Variants in RXRG observed in about 807,000 individuals in gnomAD.
RXRG encodes the protein retinoic acid receptor RXR-gamma.
RXRG carries 19 observed loss-of-function variants against 49.2 expected under a neutral mutation model. That is an observed-to-expected ratio of 0.39 (90% CI 0.27 to 0.57). The LOEUF is 0.57. Ranked by LOEUF, RXRG falls within the 20% of genes least tolerant of loss-of-function variation. RXRG has a pLI of 0.64. For synonymous variants in RXRG, 224 were observed against 216.6 expected (o/e 1.03, Z -0.30); for missense variants, 452 against 592.5 (o/e 0.76, Z 2.46).
At chr1:165,412,982 C>T (rs1658002989) in intron 4 of RXRG, among the ~76,000 whole-genome samples, 2 of 152,172 alleles carry the variant, frequency 1.3e-5, no homozygotes, top group Non-Finnish European at 2.9e-5. Flanking sequence ...AAGTTTCATT[C>T]GTGGTCCTCA....
intron 2 of RXRG, among the ~76,000 whole-genome samples, chr1:165,427,402 ATGTTT>A (rs67818708): frequency 0.42 from 62,599 of 149,228 alleles, 13,975 homozygotes; most frequent in East Asian, 0.66. Flanking sequence ...AATCTGTCAT[ATGTTT>A]TGTTTTGTTT....
Position 165,445,123 on chromosome 1 carries a change from T to C in RXRG, c.-230A>G. ...TTGAGACGGCTGTGGCGGCAGCAGC[T>C]GGTGCCTGTCAGTAATCACGCATAA... On this transcript the variant is annotated 5_prime_UTR_variant, in exon 1 of 10. Transcript: ENST00000359842. The C allele has an allele frequency of 1.8e-6, 1 of 571,334 alleles. No individual in the cohort carries two copies. Among genetic ancestry groups the C allele is most frequent in the Non-Finnish European group, 3.1e-6 (1 of 320,844 alleles). 35.4% of individuals were successfully genotyped at this position (571,334 alleles called of 1,614,324 possible).
intron 9 of RXRG, among the ~76,000 whole-genome samples, chr1:165,405,193 C>T (rs1188456125): frequency 6.6e-6 from 1 of 152,024 alleles, no homozygotes; most frequent in Non-Finnish European, 1.5e-5. Context: ...ATGATATGTA[C>T]GACTCTCATT....
intron 2 of RXRG, among the ~76,000 whole-genome samples, chr1:165,424,469 T>TA (rs1308359611): frequency 6.6e-6 from 1 of 152,198 alleles, no homozygotes; most frequent in Non-Finnish European, 1.5e-5. Context: ...TTGACATGCC[T>TA]AAAAAAATCC....
At chr1:165,437,590 A>G (rs1658854001) in intron 1 of RXRG, among the ~76,000 whole-genome samples, 1 of 152,154 alleles carries the variant, frequency 6.6e-6, no homozygotes, top group Admixed American at 6.5e-5. Context: ...AGAAATCCAG[A>G]GACAGTAATG....
At position 165,428,854 on chromosome 1, in the gene RXRG, C is replaced by G. The variant is rs1394322837; in HGVS notation, c.162G>C (p.Arg54=). ...SYTDTPVSAP[R]TLSAVGTPLN... ...GGGGGGTCCCCACTGCACTCAGAGT[C>G]CGTGGGGCACTCACTGGGGTATCTG... The change falls in exon 2 of 10, where the codon CGG becomes CGC. Residue 54 remains arginine (R), a synonymous_variant. Transcript: ENST00000359842. The G allele has an allele frequency of 2.5e-6, 4 of 1,614,014 alleles. No individual in the cohort carries two copies. In the Admixed American group the frequency reaches 6.7e-5, roughly 27 times the overall value.
intron 7 of RXRG, 71 bp downstream of exon 7, chr1:165,409,487 G>C: frequency 9.0e-7 from 1 of 1,110,088 alleles, no homozygotes; most frequent in Non-Finnish European, 1.1e-6. Context: ...ATGTACACAT[G>C]TGTATACACA....
Position 165,445,026 on chromosome 1 carries a change from A to G in RXRG, c.-133T>C. On this transcript the variant is annotated 5_prime_UTR_variant, in exon 1 of 10. Transcript: ENST00000359842. ...GTCATCGCTTCCTAGCAGCCCGGGG[A>G]GCACAGGCTGGGCCAGCCCTCTGGG... 1 of 781,486 alleles carries G rather than the reference A, an allele frequency of 1.3e-6. No individual in the cohort carries two copies. Among genetic ancestry groups the G allele is most frequent in the Non-Finnish European group, 2.2e-6 (1 of 447,602 alleles). 48.4% of individuals were successfully genotyped at this position (781,486 alleles called of 1,614,324 possible).
intron 4 of RXRG, among the ~76,000 whole-genome samples, chr1:165,414,738 G>A (rs1330950148): frequency 6.6e-6 from 1 of 152,172 alleles, no homozygotes; most frequent in Non-Finnish European, 1.5e-5. Flanking sequence ...GTGGAAAAAA[G>A]ATGTTCTTCA....
At chr1:165,419,486 G>A (rs113617911) in intron 3 of RXRG, among the ~76,000 whole-genome samples, 278 of 151,970 alleles carry the variant, frequency 1.8e-3, no homozygotes, top group African/African-American at 6.5e-3. Flanking sequence ...GACTTCCCAG[G>A]CTCAAGCTAT....
Position 165,445,044 on chromosome 1 carries a change from C to A in RXRG, c.-151G>T. ...CCCGGGGAGCACAGGCTGGGCCAGC[C>A]CTCTGGGATTAGTCAGGAATCTGCC... On this transcript the variant is annotated 5_prime_UTR_variant, in exon 1 of 10. Transcript: ENST00000359842. 1.5e-6 allele frequency: 1 copy of A among 681,476 alleles called. No individual in the cohort carries two copies. 42.2% of individuals were successfully genotyped at this position (681,476 alleles called of 1,614,324 possible).
intron 1 of RXRG, among the ~76,000 whole-genome samples, chr1:165,432,766 C>G (rs1479543634): frequency 6.6e-6 from 1 of 152,150 alleles, no homozygotes; most frequent in African/African-American, 2.4e-5. Flanking sequence ...TAGGCAGGCT[C>G]CTGTTTGAAG....
intron 1 of RXRG, among the ~76,000 whole-genome samples, chr1:165,429,579 A>G (rs1446827836): frequency 6.6e-6 from 1 of 152,156 alleles, no homozygotes; most frequent in Non-Finnish European, 1.5e-5. Context: ...TCCTATATCT[A>G]TTGAAGCTTT....
rs1397958189 is a variant in RXRG, at chr1:165,401,363, A to G, written c.1292T>C (p.Leu431Ser). ...LRLPALRSIG[L>S]KCLEHLFFFK... ...GAAGAAGAGGTGCTCCAGGCATTTCAAGCCAATGGAACGCAGAGCTGGGAG... is the reference window on the plus strand; with the variant it reads ...GAAGAAGAGGTGCTCCAGGCATTTCGAGCCAATGGAACGCAGAGCTGGGAG... The change falls in exon 10 of 10, where the codon TTG (leucine) becomes TCG (serine). Residue 431 changes from leucine to serine, a missense_variant. This residue lies in a region of RXRG where 286 missense variants were observed against 440.9 expected (regional missense o/e 0.65). Transcript: ENST00000359842. 6 of 1,614,092 alleles carry G rather than the reference A, an allele frequency of 3.7e-6. No individual in the cohort carries two copies. The highest frequency in any genetic ancestry group is 1.3e-5 in the African/African-American group (1 of 74,938).
intron 6 of RXRG, among the ~76,000 whole-genome samples, chr1:165,409,901 C>G (rs377541223): frequency 4.6e-5 from 7 of 151,944 alleles, no homozygotes; most frequent in East Asian, 1.9e-4. Flanking sequence ...CACATCCCCC[C>G]ACTCTCTCTC....
intron 6 of RXRG, 36 bp downstream of exon 6, chr1:165,410,666 A>G (rs748103295): frequency 2.5e-6 from 4 of 1,610,908 alleles, no homozygotes; most frequent in Non-Finnish European, 2.5e-6. Flanking sequence ...CAATTTCAAA[A>G]TTGTCCCAGG....
At chr1:165,429,622 A>G (rs567560654) in intron 1 of RXRG, among the ~76,000 whole-genome samples, 5 of 152,196 alleles carry the variant, frequency 3.3e-5, no homozygotes, top group African/African-American at 1.2e-4. Flanking sequence ...GTCCCTCTCT[A>G]TAGTACAGGG....
At chr1:165,414,850 C>T (rs1658077645) in intron 4 of RXRG, among the ~76,000 whole-genome samples, 2 of 152,186 alleles carry the variant, frequency 1.3e-5, no homozygotes, top group Non-Finnish European at 2.9e-5. Flanking sequence ...AGCTAATACT[C>T]AATGAATAAA....
At chr1:165,412,989 C>T (rs1450112662) in intron 4 of RXRG, among the ~76,000 whole-genome samples, 3 of 152,094 alleles carry the variant, frequency 2.0e-5, no homozygotes, top group Admixed American at 6.5e-5. Flanking sequence ...ATTCGTGGTC[C>T]TCAATCAATG....
Sources: gnomAD v4.1 joint callset for allele counts (sites outside exome capture counted in the v4.1 genomes callset) on GRCh38, gnomAD v4.1.1 for gene constraint, gnomAD v4.1.1 regional missense constraint, MANE v1.5 for transcripts, NCBI Gene and HGNC (gene_info 2026-07-23, HGNC 2026-07-21) for gene names.